Variants in NEK1 observed in about 807,000 individuals in gnomAD.
NEK1 encodes the protein serine/threonine-protein kinase Nek1.
In NEK1, 137 loss-of-function variants were observed where a neutral mutation model predicts 182.1. That is an observed-to-expected ratio of 0.75 (90% CI 0.65 to 0.87). The LOEUF is 0.87. Ranked by LOEUF, NEK1 falls within the 40% of genes least tolerant of loss-of-function variation. The pLI, the probability that NEK1 is intolerant of heterozygous loss-of-function variation, is 0.00. For missense variants in NEK1, 1,391 were observed against 1,494.4 expected, an observed-to-expected ratio of 0.93 and a Z score of 1.14; for synonymous variants, 513 against 492.2, an observed-to-expected ratio of 1.04 and a Z score of -0.56.
chr4:169,507,202 G>GTTTTT (rs1437728267), intron 22 of NEK1, 70 bp from the exon 23 acceptor site: 37 of 410,362 alleles, frequency 9.0e-5, no homozygotes, highest in African/African-American at 8.3e-4. Flanking sequence ...TTTTTTTTTG[G>GTTTTT]GCCAGGTCTA....
intron 27 of NEK1, among the ~76,000 whole-genome samples, chr4:169,451,387 T>C (rs554736930): frequency 2.1e-4 from 32 of 152,180 alleles, no homozygotes; most frequent in Non-Finnish European, 3.8e-4. Context: ...TAATTGGAAG[T>C]AAAGCACTCC....
chr4:169,493,018 C>T (rs772399718), intron 23 of NEK1, among the ~76,000 whole-genome samples: 1 of 152,174 alleles, frequency 6.6e-6, no homozygotes, highest in Non-Finnish European at 1.5e-5. Flanking sequence ...CCCAATGGCC[C>T]TTTCTGGGCT....
intron 35 of NEK1, among the ~76,000 whole-genome samples, chr4:169,396,397 G>GAAA (rs1362681328): frequency 1.7e-5 from 1 of 59,548 alleles, no homozygotes; most frequent in African/African-American, 6.0e-5. Context: ...AAAAAAAAAA[G>GAAA]AAGAATCTAT....
Position 169,507,753 on chromosome 4 carries a change from C to T in NEK1, c.1873G>A (p.Glu625Lys). Residue 625 changes from glutamate to lysine, a missense_variant, in exon 22 of 36, where the codon GAG (glutamate) becomes AAG (lysine). Glu to Lys is a moderately conservative substitution (Grantham distance 56). Transcript: ENST00000507142. ...NHSEGQEGSE[E>K]ADMRRKKIES... ...ATTTTTTTGCGCCTCATGTCAGCCT[C>T]TTCACTTCCTTCTTGTCCTTCAGAA... The T allele has an allele frequency of 6.2e-7, 1 of 1,612,972 alleles. No homozygotes were observed. The highest frequency in any genetic ancestry group is 8.5e-7 in the Non-Finnish European group (1 of 1,179,478).
At chr4:169,537,656 T>A (rs1392180511) in intron 19 of NEK1, among the ~76,000 whole-genome samples, 153 bp downstream of exon 19, 50 of 152,208 alleles carry the variant, frequency 3.3e-4, no homozygotes, top group Admixed American at 3.3e-3. Context: ...ATCACAATTT[T>A]ATACTCTGCA....
intron 27 of NEK1, among the ~76,000 whole-genome samples, chr4:169,461,395 T>G (rs1417395350): frequency 6.6e-6 from 1 of 152,168 alleles, no homozygotes; most frequent in African/African-American, 2.4e-5. Flanking sequence ...CGTATGGTAC[T>G]GATAAAGAAA....
chr4:169,452,908 A>C (rs1329694962), intron 27 of NEK1, among the ~76,000 whole-genome samples: 2 of 151,768 alleles, frequency 1.3e-5, no homozygotes, highest in Non-Finnish European at 2.9e-5. Flanking sequence ...TGTATATTTA[A>C]AACCCTATCG....
intron 26 of NEK1, among the ~76,000 whole-genome samples, chr4:169,470,820 CTT>C (rs1745815847): frequency 6.6e-6 from 1 of 152,080 alleles, no homozygotes; most frequent in Non-Finnish European, 1.5e-5. Flanking sequence ...TTGTTTGTTC[CTT>C]TTCATTCTTT....
At chr4:169,570,983 T>C (rs1343861931) in intron 12 of NEK1, among the ~76,000 whole-genome samples, 1 of 151,900 alleles carries the variant, frequency 6.6e-6, no homozygotes, top group Non-Finnish European at 1.5e-5. Context: ...GAAGGCAGCA[T>C]GCTCATTAAG....
At chr4:169,397,348 C>G (rs1202486485) in intron 35 of NEK1, among the ~76,000 whole-genome samples, 1 of 152,122 alleles carries the variant, frequency 6.6e-6, no homozygotes, top group Non-Finnish European at 1.5e-5. Context: ...AATATGAAAT[C>G]TATATCTAGT....
intron 23 of NEK1, among the ~76,000 whole-genome samples, chr4:169,504,999 C>G (rs761050762): frequency 9.9e-5 from 15 of 152,088 alleles, no homozygotes; most frequent in Middle Eastern, 3.4e-3. Flanking sequence ...TAAATATATA[C>G]ATCTACCATG....
intron 23 of NEK1, among the ~76,000 whole-genome samples, chr4:169,486,166 G>T (rs1287353709): frequency 6.6e-6 from 1 of 151,968 alleles, no homozygotes; most frequent in Non-Finnish European, 1.5e-5. Flanking sequence ...AGTTTTAAAA[G>T]AAATGCTTTA....
intron 18 of NEK1, among the ~76,000 whole-genome samples, chr4:169,539,852 G>A (rs750346688): frequency 1.2e-4 from 18 of 152,028 alleles, no homozygotes; most frequent in South Asian, 4.1e-4. Context: ...TAACTTTTAC[G>A]GAAGTAAAGC....
intron 19 of NEK1, 35 bp from the exon 20 acceptor site, chr4:169,508,887 G>A (rs2149698316): frequency 4.0e-6 from 6 of 1,483,432 alleles, no homozygotes; most frequent in Non-Finnish European, 5.5e-6. Context: ...TTTAAAGAAT[G>A]ACTAAGGCTA....
At chr4:169,424,475 A>C in intron 31 of NEK1, 78 bp downstream of exon 31, 1 of 1,443,560 alleles carries the variant, frequency 6.9e-7, no homozygotes, top group Non-Finnish European at 9.2e-7. Flanking sequence ...TTAAAACTCA[A>C]TATTATGGTT....
chr4:169,513,978 T>TTTATTTA (rs2149716977), intron 19 of NEK1, among the ~76,000 whole-genome samples: 1 of 147,884 alleles, frequency 6.8e-6, no homozygotes, highest in African/African-American at 2.6e-5. Flanking sequence ...TATTTATTTA[T>TTTATTTA]TTATTTATTT....
At chr4:169,400,009 A>C (rs776974907) in intron 35 of NEK1, 9 of 559,632 alleles carry the variant, frequency 1.6e-5, no homozygotes, top group Non-Finnish European at 2.5e-5. Context: ...TTGTAAATTA[A>C]ATTAAAAATA....
At chr4:169,532,155 T>C (rs1757774858) in intron 19 of NEK1, among the ~76,000 whole-genome samples, 1 of 152,226 alleles carries the variant, frequency 6.6e-6, no homozygotes, top group African/African-American at 2.4e-5. Flanking sequence ...TGGAACAGTT[T>C]ACATATGATG....
Position 169,394,052 on chromosome 4 carries a change from G to A in NEK1, c.*458C>T, listed in dbSNP as rs541393811. ...AGAGCCCTTGACAAGGTGATTTAAT[G>A]TAGAACTGCTGGCCAGAATGAAAAC... On this transcript the variant is annotated 3_prime_UTR_variant, in exon 36 of 36. Transcript: ENST00000507142. 2 of 154,338 alleles carry A rather than the reference G, an allele frequency of 1.3e-5. No individual in the cohort carries two copies. Among genetic ancestry groups the A allele is most frequent in the Admixed American group, 1.3e-4 (2 of 15,314 alleles). 9.6% of individuals were successfully genotyped at this position (154,338 alleles called of 1,614,324 possible). A position where few individuals can be genotyped will look rare whatever the true frequency, so the allele number is the denominator to read the frequency against.
Sources: gnomAD v4.1 joint callset for allele counts (sites outside exome capture counted in the v4.1 genomes callset) on GRCh38, gnomAD v4.1.1 for gene constraint, MANE v1.5 for transcripts, NCBI Gene and HGNC (gene_info 2026-07-23, HGNC 2026-07-21) for gene names.